Variants in ITGBL1 observed in about 807,000 individuals in gnomAD.
The protein encoded by ITGBL1 is integrin beta-like protein 1.
Under a neutral mutation model 68.5 loss-of-function variants are expected in ITGBL1, and 51 were observed. The observed-to-expected ratio is 0.74, with a 90% CI of 0.59 to 0.94. The LOEUF (loss-of-function observed/expected upper bound fraction) is 0.94, where lower values mean the gene tolerates loss of function less well. Among genes scored for constraint, ITGBL1 ranks in the 40% least tolerant of loss-of-function variants. The pLI is 0.00. For missense variants in ITGBL1, 649 were observed against 647.4 expected (o/e 1.00, Z -0.03); for synonymous variants, 209 against 227.3 (o/e 0.92, Z 0.72).
chr13:101,453,795 A>G, intron 1 of ITGBL1, 88 bp from the exon 2 acceptor site: 1 of 834,990 alleles, frequency 1.2e-6, no homozygotes, highest in Non-Finnish European at 1.6e-6. Flanking sequence ...CTGCACCTGG[A>G]GGGGACACTG....
intron 7 of ITGBL1, among the ~76,000 whole-genome samples, chr13:101,666,875 G>T (rs549329784): frequency 7.6e-4 from 116 of 152,224 alleles, no homozygotes; most frequent in Non-Finnish European, 1.5e-3. Context: ...TCGGTTCCAA[G>T]AAAAATTCTA....
At chr13:101,568,389 T>G (rs1359581830) in intron 3 of ITGBL1, among the ~76,000 whole-genome samples, 2 of 152,182 alleles carry the variant, frequency 1.3e-5, no homozygotes, top group Admixed American at 6.5e-5. Flanking sequence ...CTGTTAAAAT[T>G]TATTAGCAAA....
At chr13:101,532,121 C>T (rs947416086) in intron 2 of ITGBL1, among the ~76,000 whole-genome samples, 1 of 151,880 alleles carries the variant, frequency 6.6e-6, no homozygotes, top group Non-Finnish European at 1.5e-5. Context: ...ATTTAAAGAA[C>T]GAATTTTTTT....
intron 6 of ITGBL1, among the ~76,000 whole-genome samples, chr13:101,589,125 A>G (rs1172912261): frequency 6.6e-6 from 1 of 152,198 alleles, no homozygotes; most frequent in Admixed American, 6.5e-5. Flanking sequence ...AATTTTTATT[A>G]CTGAAAAAGC....
intron 2 of ITGBL1, among the ~76,000 whole-genome samples, chr13:101,490,194 A>T (rs1252605649): frequency 1.3e-5 from 2 of 152,026 alleles, no homozygotes; most frequent in Non-Finnish European, 2.9e-5. Context: ...TTTATAAGAG[A>T]AGGAAGGAAC....
chr13:101,465,760 G>A (rs2048374599), intron 2 of ITGBL1, among the ~76,000 whole-genome samples: 1 of 152,146 alleles, frequency 6.6e-6, no homozygotes, highest in South Asian at 2.1e-4. Flanking sequence ...GAAGGTATGA[G>A]GTTGAGGATC....
chr13:101,498,271 T>G (rs902494599), intron 2 of ITGBL1, among the ~76,000 whole-genome samples: 2 of 152,204 alleles, frequency 1.3e-5, no homozygotes, highest in African/African-American at 4.8e-5. Context: ...TATGGCCTGA[T>G]GAGAATGTAT....
chr13:101,679,610 C>A (rs1384307484), intron 7 of ITGBL1, among the ~76,000 whole-genome samples: 1 of 152,140 alleles, frequency 6.6e-6, no homozygotes. Context: ...TAAACTTGGA[C>A]CTGTCACTCA....
intron 2 of ITGBL1, among the ~76,000 whole-genome samples, chr13:101,484,818 A>T (rs542543835): frequency 3.5e-4 from 54 of 152,290 alleles, no homozygotes; most frequent in African/African-American, 1.3e-3. Context: ...TTGAAGAAAT[A>T]ATAATGAAAA....
chr13:101,477,671 A>G (rs1191208864), intron 2 of ITGBL1, among the ~76,000 whole-genome samples: 1 of 152,134 alleles, frequency 6.6e-6, no homozygotes, highest in Non-Finnish European at 1.5e-5. Flanking sequence ...TCAAAGGATC[A>G]TTTGTGACTA....
At chr13:101,517,101 A>G (rs2049207580) in intron 2 of ITGBL1, among the ~76,000 whole-genome samples, 1 of 152,150 alleles carries the variant, frequency 6.6e-6, no homozygotes, top group South Asian at 2.1e-4. Context: ...TATGAGAAGA[A>G]AAGAATGACT....
At chr13:101,499,176 G>T (rs1270399053) in intron 2 of ITGBL1, among the ~76,000 whole-genome samples, 1 of 152,148 alleles carries the variant, frequency 6.6e-6, no homozygotes, top group Non-Finnish European at 1.5e-5. Flanking sequence ...AGTTCATGCT[G>T]CTTGTTTCCT....
chr13:101,570,234 C>T (rs1348513913), intron 3 of ITGBL1, among the ~76,000 whole-genome samples: 1 of 152,118 alleles, frequency 6.6e-6, no homozygotes, highest in African/African-American at 2.4e-5. Context: ...TTCTGGTGCA[C>T]AGAGTTTTCC....
Position 101,714,426 on chromosome 13 carries a change from T to C in ITGBL1, c.1280-12T>C. 2.7e-6 allele frequency: 4 copies of C among 1,482,590 alleles called. No individual in the cohort carries two copies. The highest frequency in any genetic ancestry group is 3.8e-6 in the Non-Finnish European group (4 of 1,060,786). The allele number at this position is 1,482,590 out of a possible 1,614,324, so 91.8% of individuals were successfully genotyped here. Reference sequence around the variant, plus strand: ...ATAAGGTGATGGTGAGTAATAGCCTTTGTAATTTCAGGTTCTTGTCATTGT... The same window carrying C: ...ATAAGGTGATGGTGAGTAATAGCCTCTGTAATTTCAGGTTCTTGTCATTGT... On this transcript the variant is annotated splice_polypyrimidine_tract_variant and intron_variant, in intron 9 of 10. Coordinates refer to ENST00000376180, the MANE Select transcript of ITGBL1 (RefSeq NM_004791.3).
intron 2 of ITGBL1, among the ~76,000 whole-genome samples, chr13:101,552,943 G>A (rs1422740821): frequency 6.6e-6 from 1 of 152,170 alleles, no homozygotes; most frequent in East Asian, 1.9e-4. Flanking sequence ...CTTCTCCTCA[G>A]GCATAATTTG....
chr13:101,526,537 C>T (rs1324726078), intron 2 of ITGBL1, among the ~76,000 whole-genome samples: 2 of 152,122 alleles, frequency 1.3e-5, no homozygotes, highest in African/African-American at 2.4e-5. Flanking sequence ...TTTTCAGGGA[C>T]ATGGATGAAG....
At chr13:101,543,426 A>C (rs1041590833) in intron 2 of ITGBL1, among the ~76,000 whole-genome samples, 6 of 152,272 alleles carry the variant, frequency 3.9e-5, no homozygotes, top group African/African-American at 7.2e-5. Context: ...CCGAGAGATC[A>C]GCTGTTAGTC....
At position 101,643,871 on chromosome 13, in the gene ITGBL1, G is replaced by A. The variant is rs1421677922; in HGVS notation, c.1015+45572G>A. On this transcript the variant is annotated intron_variant, in intron 7 of 10. Coordinates refer to ENST00000376180, the MANE Select transcript of ITGBL1 (RefSeq NM_004791.3). ...TGTTCAGCAGTTCTGGTTTTGCAAT[G>A]AGAAGTGCTACAACTTCTCAATGAA... Among the ~76,000 whole-genome samples, 3 of 152,248 alleles carry A rather than the reference G, an allele frequency of 2.0e-5. No individual in the cohort carries two copies. In the East Asian group the frequency reaches 5.8e-4, roughly 29 times the overall value.
intron 9 of ITGBL1, chr13:101,714,058 T>G (rs2034601647): frequency 5.9e-6 from 1 of 168,816 alleles, no homozygotes; most frequent in Non-Finnish European, 1.3e-5. Context: ...AATTCCCTAT[T>G]CATTTCCTTT....
Sources: gnomAD v4.1 joint callset for allele counts (sites outside exome capture counted in the v4.1 genomes callset) on GRCh38, gnomAD v4.1.1 for gene constraint, MANE v1.5 for transcripts, NCBI Gene and HGNC (gene_info 2026-07-23, HGNC 2026-07-21) for gene names.